The following HSPA4L variants were observed in gnomAD, a reference collection of about 807,000 sequenced individuals.
HSPA4L encodes the protein heat shock 70 kDa protein 4L.
In HSPA4L, 48 loss-of-function variants were observed where a neutral mutation model predicts 100.3. The observed-to-expected ratio is 0.48, with a 90% CI of 0.38 to 0.61. The LOEUF is 0.61. HSPA4L is among the 20% of genes least tolerant of loss of function. The pLI, the probability that HSPA4L is intolerant of heterozygous loss-of-function variation, is 0.00. For missense variants in HSPA4L, 886 were observed against 988.6 expected (o/e 0.90, Z 1.39); for synonymous variants, 319 against 328.2 (o/e 0.97, Z 0.30).
intron 18 of HSPA4L, 28 bp from the exon 19 acceptor site, chr4:127,832,655 A>AATAT (rs1734111951): frequency 6.6e-7 from 1 of 1,517,766 alleles, no homozygotes; most frequent in Non-Finnish European, 8.9e-7. Flanking sequence ...TAATCGTTTT[A>AATAT]ATATAATCAA....
rs965932663 is a variant in HSPA4L at position 127,782,747 on chromosome 4, A to G, written c.107+90A>G. ...TTGTCCTGTCTGCTCGCTTCCTCGG[A>G]TTTTCCCCTAACGTGCGCCGAACCC... On this transcript the variant is annotated intron_variant, in intron 1 of 18. Coordinates refer to ENST00000296464, the MANE Select transcript of HSPA4L (RefSeq NM_014278.4). The G allele has an allele frequency of 4.1e-6, 4 of 977,746 alleles. No homozygotes were observed. The African/African-American group carries it at 6.7e-5, about 16-fold the overall frequency. The allele number at this position is 977,746 out of a possible 1,614,324, so 60.6% of individuals were successfully genotyped here. A position where few individuals can be genotyped will look rare whatever the true frequency, so the allele number is the denominator to read the frequency against.
chr4:127,792,607 C>T (rs1732907812), intron 1 of HSPA4L, among the ~76,000 whole-genome samples: 2 of 152,116 alleles, frequency 1.3e-5, no homozygotes, highest in Admixed American at 1.3e-4. Flanking sequence ...TTGTGGCTAC[C>T]ATATTAGATA....
intron 10 of HSPA4L, among the ~76,000 whole-genome samples, chr4:127,806,266 TAG>T (rs1209120672): frequency 6.6e-6 from 1 of 152,014 alleles, no homozygotes; most frequent in Non-Finnish European, 1.5e-5. Flanking sequence ...GTTTTTTCAA[TAG>T]TTATATGTGC....
chr4:127,800,816 T>C (rs982331650), intron 4 of HSPA4L, among the ~76,000 whole-genome samples: 2 of 152,162 alleles, frequency 1.3e-5, no homozygotes, highest in Non-Finnish European at 2.9e-5. Flanking sequence ...ATTTTCAGAC[T>C]CTTGAGTTTT....
At chr4:127,797,887 C>T (rs767108923) in intron 3 of HSPA4L, among the ~76,000 whole-genome samples, 1 of 152,072 alleles carries the variant, frequency 6.6e-6, no homozygotes, top group Non-Finnish European at 1.5e-5. Flanking sequence ...ATAGAATATT[C>T]TTATACAAAA....
At chr4:127,785,368 A>G (rs1049649272) in intron 1 of HSPA4L, among the ~76,000 whole-genome samples, 5 of 152,210 alleles carry the variant, frequency 3.3e-5, no homozygotes, top group Admixed American at 6.5e-5. Flanking sequence ...TAATTCCTCC[A>G]GATGGTTTTC....
chr4:127,825,098 C>T (rs192154048), intron 16 of HSPA4L, among the ~76,000 whole-genome samples: 1 of 151,700 alleles, frequency 6.6e-6, no homozygotes, highest in Non-Finnish European at 1.5e-5. Context: ...TGAGATTGCG[C>T]CACTGCACTC....
intron 6 of HSPA4L, among the ~76,000 whole-genome samples, chr4:127,802,705 C>T (rs925554857): frequency 2.0e-5 from 3 of 152,062 alleles, no homozygotes; most frequent in African/African-American, 4.8e-5. Flanking sequence ...GGCTATAGCC[C>T]TTCTTCCAAA....
chr4:127,829,425 G>A (rs1394032824), intron 17 of HSPA4L, among the ~76,000 whole-genome samples: 2 of 151,912 alleles, frequency 1.3e-5, no homozygotes, highest in South Asian at 2.1e-4. Flanking sequence ...GCAGAGAGAT[G>A]GAATAAGACA....
intron 16 of HSPA4L, among the ~76,000 whole-genome samples, chr4:127,825,244 G>C (rs902112835): frequency 6.6e-6 from 1 of 152,066 alleles, no homozygotes; most frequent in African/African-American, 2.4e-5. Context: ...GAATTACCTG[G>C]GTGCTTATTG....
chr4:127,797,555 GT>G (rs1227440635), intron 3 of HSPA4L, among the ~76,000 whole-genome samples: 1 of 150,206 alleles, frequency 6.7e-6, no homozygotes, highest in African/African-American at 2.5e-5. Context: ...TTATACATTT[GT>G]TTTTTATACA....
chr4:127,806,900 AATGGCATGTGTTAATGTC>A (rs1733375772), intron 10 of HSPA4L, among the ~76,000 whole-genome samples: 1 of 151,936 alleles, frequency 6.6e-6, no homozygotes, highest in African/African-American at 2.4e-5. Context: ...AAAAGATTTT[AATGGCATGTGTTAATGTC>A]AGTTTTTTTC....
At chr4:127,800,659 A>G (rs1733150798) in intron 4 of HSPA4L, among the ~76,000 whole-genome samples, 1 of 152,140 alleles carries the variant, frequency 6.6e-6, no homozygotes, top group Non-Finnish European at 1.5e-5. Flanking sequence ...GGGTGTATAT[A>G]CGCACGATAA....
chr4:127,816,485 T>G (rs1160817705), intron 12 of HSPA4L, among the ~76,000 whole-genome samples: 1 of 152,206 alleles, frequency 6.6e-6, no homozygotes, highest in African/African-American at 2.4e-5. Context: ...ATCTGTGAAC[T>G]CGGTTGTAAT....
At chr4:127,821,128 T>C (rs1733799510) in intron 14 of HSPA4L, among the ~76,000 whole-genome samples, 1 of 152,162 alleles carries the variant, frequency 6.6e-6, no homozygotes, top group South Asian at 2.1e-4. Context: ...TTTTACAAGC[T>C]CAGCTGGCAT....
intron 5 of HSPA4L, among the ~76,000 whole-genome samples, chr4:127,801,495 G>A (rs905198367): frequency 2.6e-5 from 3 of 116,354 alleles, no homozygotes; most frequent in African/African-American, 5.8e-5. Flanking sequence ...GTGTGTGTGT[G>A]TGTGTGTATG....
At chr4:127,830,149 T>C (rs1734042753) in intron 17 of HSPA4L, among the ~76,000 whole-genome samples, 1 of 152,194 alleles carries the variant, frequency 6.6e-6, no homozygotes. Flanking sequence ...GCCATTTCTT[T>C]GTGATTCTGT....
intron 11 of HSPA4L, chr4:127,809,544 T>C (rs1442043003): frequency 2.6e-6 from 2 of 761,776 alleles, no homozygotes; most frequent in Admixed American, 1.9e-5. Context: ...CATTCAGTGC[T>C]AGATGAACTG....
chr4:127,819,814 T>C (rs1046782036), intron 13 of HSPA4L, among the ~76,000 whole-genome samples: 13 of 152,238 alleles, frequency 8.5e-5, no homozygotes, highest in African/African-American at 2.4e-4. Flanking sequence ...TTCCTTTTTA[T>C]GGCCGAATAA....
Sources: allele counts gnomAD v4.1 joint callset (sites outside exome capture counted in the v4.1 genomes callset), GRCh38; gene constraint gnomAD v4.1.1; transcripts MANE v1.5; gene names NCBI Gene and HGNC (gene_info 2026-07-23, HGNC 2026-07-21).